Variants in COL4A1 observed in about 807,000 individuals in gnomAD.
The protein encoded by COL4A1 is collagen alpha-1(IV) chain.
In COL4A1, 40 loss-of-function variants were observed where a neutral mutation model predicts 216.6. That is an observed-to-expected ratio of 0.18 (90% CI 0.14 to 0.24). COL4A1 has a LOEUF of 0.24. Among genes scored for constraint, COL4A1 ranks in the 10% least tolerant of loss-of-function variants. The pLI, the probability that COL4A1 is intolerant of heterozygous loss-of-function variation, is 1.00. For synonymous variants in COL4A1, 839 were observed against 810.7 expected, an observed-to-expected ratio of 1.03 and a Z score of -0.59; for missense variants, 1,628 against 2,196.8, an observed-to-expected ratio of 0.74 and a Z score of 5.18.
chr13:110,193,202 G>A (rs1190435291), intron 22 of COL4A1, among the ~76,000 whole-genome samples: 1 of 152,198 alleles, frequency 6.6e-6, no homozygotes, highest in African/African-American at 2.4e-5. Flanking sequence ...GAAAAGACAG[G>A]GCTGCCTCAG....
intron 4 of COL4A1, among the ~76,000 whole-genome samples, chr13:110,213,116 G>A (rs76908914): frequency 7.2e-5 from 11 of 152,198 alleles, no homozygotes; most frequent in South Asian, 2.1e-4. Context: ...GGACTCAGGT[G>A]GGGGGAAGGC....
intron 36 of COL4A1, among the ~76,000 whole-genome samples, chr13:110,175,681 T>C (rs1877847964): frequency 6.6e-6 from 1 of 152,210 alleles, no homozygotes; most frequent in East Asian, 1.9e-4. Context: ...GGATCTTATG[T>C]TCTTTATTAT....
chr13:110,233,242 C>T (rs540291859), intron 2 of COL4A1, among the ~76,000 whole-genome samples: 19 of 152,184 alleles, frequency 1.2e-4, no homozygotes, highest in African/African-American at 4.1e-4. Context: ...TGGATTCTCA[C>T]GATTCCTCTG....
rs755306301 is a variant in COL4A1 at position 110,205,363 on chromosome 13, T to G, written c.947A>C (p.Gln316Pro). ...AGTGCCAGCGTTTACCTGCGGGCCC[T>G]GGCGGCCTATGAGTCCTGGGTACCC... ...EPGYPGLIGR[Q>P]GPQGEKGEAG... The change falls in exon 17 of 52, where the codon CAG becomes CCG. Residue 316 changes from glutamine to proline, a missense_variant. By Grantham distance (76) the Gln-to-Pro change is moderately conservative. Transcript: ENST00000375820. 1 of 1,614,116 alleles carries G rather than the reference T, an allele frequency of 6.2e-7. No homozygotes were observed. The highest frequency in any genetic ancestry group is 8.5e-7 in the Non-Finnish European group (1 of 1,180,022).
Position 110,285,871 on chromosome 13 carries a change from ATC to A in COL4A1, c.84+21071_84+21072del, listed in dbSNP as rs1883825704. Among the ~76,000 whole-genome samples the A allele has an allele frequency of 2.0e-5, 3 of 152,220 alleles. No homozygotes were observed. The South Asian group carries it at 6.2e-4, about 32-fold the overall frequency. On this transcript the variant is annotated intron_variant, in intron 1 of 51. Transcript: ENST00000375820. Reference sequence around the variant, plus strand: ...TCAAGACCTTATAATAAATCCTTATATCTCTATAAACTATCTGGATGTATTGG... The same window carrying A: ...TCAAGACCTTATAATAAATCCTTATATCTATAAACTATCTGGATGTATTGG...
chr13:110,224,442 C>A (rs746429455), intron 2 of COL4A1, among the ~76,000 whole-genome samples: 2 of 152,162 alleles, frequency 1.3e-5, no homozygotes, highest in Non-Finnish European at 2.9e-5. Context: ...TGCGCCTTGG[C>A]CTCCCAAGTA....
intron 18 of COL4A1, among the ~76,000 whole-genome samples, chr13:110,202,009 C>T (rs551341506): frequency 2.2e-4 from 33 of 152,224 alleles, no homozygotes; most frequent in South Asian, 4.1e-4. Flanking sequence ...GCAACAACAA[C>T]GAAAGCATAT....
Position 110,207,503 on chromosome 13 carries a change from A to C in COL4A1, c.694-14T>G. The stretch of plus-strand genomic sequence containing the variant: ...CCCTTGGTCACCCTGTCGACATAAA[A>C]ATGTAAAATTAATTAGGCATGAAAA... On this transcript the variant is annotated splice_polypyrimidine_tract_variant and intron_variant, in intron 12 of 51. Transcript: ENST00000375820. This position sits in a 1 kb window ranked among gnomAD's most constrained non-coding sequence, Gnocchi z 4.4. 1 of 1,608,932 alleles carries C rather than the reference A, an allele frequency of 6.2e-7. No homozygotes were observed. The highest frequency in any genetic ancestry group is 8.5e-7 in the Non-Finnish European group (1 of 1,175,266).
At chr13:110,208,471 C>T (rs545379322) in intron 12 of COL4A1, among the ~76,000 whole-genome samples, 2 of 152,188 alleles carry the variant, frequency 1.3e-5, no homozygotes, top group Admixed American at 6.5e-5. Context: ...AATTTCCTGG[C>T]GGTGGACTCC....
chr13:110,296,425 GATACTTC>G (rs1884277760), intron 1 of COL4A1, among the ~76,000 whole-genome samples: 1 of 152,216 alleles, frequency 6.6e-6, no homozygotes. Flanking sequence ...GTAAAAGAAA[GATACTTC>G]ATAGTTTTAA....
chr13:110,230,935 AG>A (rs1331635387), intron 2 of COL4A1, among the ~76,000 whole-genome samples: 13 of 152,324 alleles, frequency 8.5e-5, no homozygotes, highest in African/African-American at 3.1e-4. Context: ...ATTCAGATTC[AG>A]GGCAGGGCAC....
intron 49 of COL4A1, 23 bp from the exon 50 acceptor site, chr13:110,155,420 C>G: frequency 1.3e-6 from 2 of 1,587,094 alleles, no homozygotes; most frequent in South Asian, 2.2e-5. Context: ...CAGAGACACT[C>G]AGCACAGCCG....
At chr13:110,298,914 A>T (rs1382103336) in intron 1 of COL4A1, 1 of 152,472 alleles carries the variant, frequency 6.6e-6, no homozygotes, top group African/African-American at 2.4e-5. Flanking sequence ...CACGGAGGGC[A>T]GAGTCTGCTC....
chr13:110,211,980 T>C lies in COL4A1; in HGVS notation c.388-58A>G. Reference sequence around the variant, plus strand: ...CTGTGTGTGGCAGACACATCAGCCCTGACATCGCATGCATCACTCTGCCCT... The same window carrying C: ...CTGTGTGTGGCAGACACATCAGCCCCGACATCGCATGCATCACTCTGCCCT... On this transcript the variant is annotated intron_variant, in intron 6 of 51. Transcript: ENST00000375820. This position sits in a 1 kb window ranked among gnomAD's most constrained non-coding sequence, Gnocchi z 4.3. 6.8e-7 allele frequency: 1 copy of C among 1,471,346 alleles called. No individual in the cohort carries two copies. Among genetic ancestry groups the C allele is most frequent in the South Asian group, 1.1e-5 (1 of 88,148 alleles). The allele number at this position is 1,471,346 out of a possible 1,614,324, so 91.1% of individuals were successfully genotyped here.
At chr13:110,161,755 C>T (rs958953385) in intron 48 of COL4A1, among the ~76,000 whole-genome samples, 1 of 152,206 alleles carries the variant, frequency 6.6e-6, no homozygotes, top group African/African-American at 2.4e-5. Flanking sequence ...TGGAGGATAT[C>T]TGGGTCAGAT....
At chr13:110,246,380 C>G (rs1042378796) in intron 1 of COL4A1, among the ~76,000 whole-genome samples, 2 of 150,416 alleles carry the variant, frequency 1.3e-5, no homozygotes, top group African/African-American at 4.9e-5. Context: ...CCTGAGTACC[C>G]CCTTCACTCA....
intron 17 of COL4A1, among the ~76,000 whole-genome samples, chr13:110,204,704 G>A (rs1879409399): frequency 1.3e-5 from 2 of 149,962 alleles, no homozygotes; most frequent in South Asian, 4.2e-4. Flanking sequence ...CTGGCAGAAG[G>A]ACTTTCTGGG....
chr13:110,208,298 A>G (rs1001891623), intron 12 of COL4A1, among the ~76,000 whole-genome samples: 2 of 152,098 alleles, frequency 1.3e-5, no homozygotes, highest in Middle Eastern at 3.4e-3. Flanking sequence ...CTCCTCCCAC[A>G]CCCACTTGGT....
At chr13:110,222,929 T>G (rs911480830) in intron 2 of COL4A1, among the ~76,000 whole-genome samples, 4 of 152,064 alleles carry the variant, frequency 2.6e-5, no homozygotes, top group African/African-American at 7.2e-5. Flanking sequence ...AAAAGAACTC[T>G]ATGGTAAATA....
Sources: allele counts gnomAD v4.1 joint callset (sites outside exome capture counted in the v4.1 genomes callset), GRCh38; gene constraint gnomAD v4.1.1; non-coding constraint Gnocchi (gnomAD v3.1); transcripts MANE v1.5; gene names NCBI Gene and HGNC (gene_info 2026-07-23, HGNC 2026-07-21).